The following TNIK variants were observed in gnomAD, a reference collection of about 807,000 sequenced individuals.
The protein encoded by TNIK is TRAF2 and NCK interacting kinase.
In TNIK, 49 loss-of-function variants were observed where a neutral mutation model predicts 191.3. The ratio of observed to expected loss-of-function variants is 0.26; its 90% confidence interval spans 0.20 to 0.32. TNIK has a LOEUF of 0.32. Ranked by LOEUF, TNIK falls within the 10% of genes least tolerant of loss-of-function variation. The probability of loss-of-function intolerance (pLI) is 1.00; values close to 1 mark genes in which losing one functional copy is unlikely to be tolerated. For synonymous variants in TNIK, 594 were observed against 600.9 expected, an observed-to-expected ratio of 0.99 and a Z score of 0.17; for missense variants, 1,155 against 1,702.3, an observed-to-expected ratio of 0.68 and a Z score of 5.66.
intron 21 of TNIK, among the ~76,000 whole-genome samples, chr3:171,103,101 C>A (rs1241481672): frequency 2.6e-5 from 4 of 152,092 alleles, no homozygotes; most frequent in Non-Finnish European, 5.9e-5. Context: ...CTTGATGACA[C>A]CTGATTTGAA....
chr3:171,198,012 CAAA>C (rs1738915965), intron 4 of TNIK, among the ~76,000 whole-genome samples: 1 of 151,970 alleles, frequency 6.6e-6, no homozygotes, highest in African/African-American at 2.4e-5. Flanking sequence ...CAGAAAAAAA[CAAA>C]ATGTCTATCA....
intron 2 of TNIK, among the ~76,000 whole-genome samples, chr3:171,326,835 C>A (rs1448719277): frequency 1.3e-5 from 2 of 152,148 alleles, no homozygotes; most frequent in Admixed American, 6.5e-5. Flanking sequence ...TAGGAGCAAA[C>A]TACCTCTGCC....
intron 2 of TNIK, among the ~76,000 whole-genome samples, chr3:171,294,516 T>A (rs1030026452): frequency 7.3e-5 from 11 of 151,596 alleles, no homozygotes; most frequent in African/African-American, 2.7e-4. Context: ...AGGCCAGGAG[T>A]TTGAGACAAG....
At chr3:171,302,280 T>A (rs192849070) in intron 2 of TNIK, among the ~76,000 whole-genome samples, 1 of 152,180 alleles carries the variant, frequency 6.6e-6, no homozygotes, top group Non-Finnish European at 1.5e-5. Flanking sequence ...GTCCAGGAGG[T>A]GCATTCCTAG....
At chr3:171,118,733 C>T (rs1264740529) in intron 18 of TNIK, among the ~76,000 whole-genome samples, 2 of 152,100 alleles carry the variant, frequency 1.3e-5, no homozygotes, top group African/African-American at 4.8e-5. Context: ...ACTGGCTAGC[C>T]ATATGTAGAA....
intron 7 of TNIK, among the ~76,000 whole-genome samples, chr3:171,184,661 C>T (rs909653660): frequency 4.6e-5 from 7 of 152,206 alleles, no homozygotes; most frequent in African/African-American, 1.7e-4. Flanking sequence ...CATCATTCTG[C>T]AATCTGAATA....
chr3:171,117,142 C>G (rs1726850780), intron 18 of TNIK, among the ~76,000 whole-genome samples: 1 of 152,106 alleles, frequency 6.6e-6, no homozygotes, highest in African/African-American at 2.4e-5. Flanking sequence ...GTAAATATCG[C>G]AACATAAGGG....
At chr3:171,121,211 C>T (rs976580314) in intron 18 of TNIK, among the ~76,000 whole-genome samples, 3 of 152,144 alleles carry the variant, frequency 2.0e-5, no homozygotes, top group African/African-American at 4.8e-5. Flanking sequence ...AAAAGCAACA[C>T]CTTTTAAAGT....
At chr3:171,064,162 T>C (rs1718131484) in intron 32 of TNIK, 198 bp from the exon 33 acceptor site, 11 of 544,938 alleles carry the variant, frequency 2.0e-5, no homozygotes, top group Non-Finnish European at 6.5e-6. Flanking sequence ...TAGGTTGTTA[T>C]TATTCCTTAT....
Position 171,126,030 on chromosome 3 carries a change from C to T in TNIK, c.1895G>A (p.Arg632His), listed in dbSNP as rs769775980. Reference protein sequence around the residue: ...FQEALNVTSHRVEMPRQNSDP... With the variant: ...FQEALNVTSHHVEMPRQNSDP... ...TGAGTTCTGGCGTGGCATCTCCACG[C>T]GGTGGGAGGTCACGTTCAGAGCCTC... The change falls in exon 17 of 33, where the codon CGC becomes CAC. Residue 632 changes from arginine (R) to histidine (H), a missense_variant. Physicochemically the swap from Arg to His is conservative, Grantham distance 29. Transcript: ENST00000436636. 1.2e-5 allele frequency: 20 copies of T among 1,613,892 alleles called. No individual in the cohort carries two copies. Among genetic ancestry groups the T allele is most frequent in the Admixed American group, 3.3e-5 (2 of 60,014 alleles).
intron 13 of TNIK, 40 bp from the exon 14 acceptor site, chr3:171,139,596 GAA>G (rs1275351758): frequency 6.3e-7 from 1 of 1,599,314 alleles, no homozygotes; most frequent in African/African-American, 1.3e-5. Flanking sequence ...GGAACAGAAA[GAA>G]AGAGAGAAAT....
At chr3:171,090,423 CTTTCTT>C (rs1036272992) in intron 23 of TNIK, among the ~76,000 whole-genome samples, 2 of 145,550 alleles carry the variant, frequency 1.4e-5, no homozygotes, top group African/African-American at 5.2e-5. Flanking sequence ...TCTTTTCTTT[CTTTCTT>C]TTTTTTTTTT....
rs114549746 is a variant in TNIK at position 171,442,584 on chromosome 3, T to C, written c.57+17423A>G. Among the ~76,000 whole-genome samples, 1,390 of 152,314 alleles carry C rather than the reference T, an allele frequency of 9.1e-3. 6 individuals carry two copies. The highest frequency in any genetic ancestry group is 0.015 in the Non-Finnish European group (1,023 of 68,022). On this transcript the variant is annotated intron_variant, in intron 1 of 32. Transcript: ENST00000436636. ...TAAGTATCATACATATTTCACTGAA[T>C]GTCTACGATTTCCTCTCTTCATAGA... is the stretch of plus-strand genomic sequence containing the variant.
At chr3:171,348,419 G>A (rs1054380195) in intron 2 of TNIK, among the ~76,000 whole-genome samples, 6 of 152,000 alleles carry the variant, frequency 3.9e-5, no homozygotes, top group South Asian at 4.2e-4. Context: ...CACCACCACC[G>A]AGTGAAGCCT....
At chr3:171,137,968 CA>C (rs58897378) in intron 15 of TNIK, among the ~76,000 whole-genome samples, 77,649 of 119,372 alleles carry the variant, frequency 0.65, 22,252 homozygotes, top group South Asian at 0.69. Context: ...CAAAGATATA[CA>C]AAAAAAAAAA....
chr3:171,448,215 C>A (rs1316478904), intron 1 of TNIK, among the ~76,000 whole-genome samples: 2 of 152,044 alleles, frequency 1.3e-5, no homozygotes, highest in Non-Finnish European at 2.9e-5. Context: ...TTGAAGTGTA[C>A]AAGTGACTTT....
chr3:171,226,415 T>C (rs1742973974), intron 3 of TNIK, among the ~76,000 whole-genome samples: 2 of 152,148 alleles, frequency 1.3e-5, no homozygotes. Context: ...TGCATTAGAA[T>C]GATGGAGCAG....
chr3:171,415,355 G>A lies in TNIK; in HGVS notation c.57+44652C>T, dbSNP rs145367843. Reference sequence around the variant, plus strand: ...TTCAGCACTGGAATGTAAGATCTAGGAGGGCAGGGCTTTGTATTGCTCACC... The same window carrying A: ...TTCAGCACTGGAATGTAAGATCTAGAAGGGCAGGGCTTTGTATTGCTCACC... On this transcript the variant is annotated intron_variant, in intron 1 of 32. Coordinates refer to ENST00000436636, the MANE Select transcript of TNIK (RefSeq NM_015028.4). Among the ~76,000 whole-genome samples the A allele has an allele frequency of 5.2e-3, 790 of 152,210 alleles. 22 individuals carry two copies. The highest frequency in any genetic ancestry group is 0.048 in the Admixed American group (730 of 15,282).
At chr3:171,310,817 A>AAAAC (rs376252954) in intron 2 of TNIK, among the ~76,000 whole-genome samples, 20 of 152,254 alleles carry the variant, frequency 1.3e-4, no homozygotes, top group African/African-American at 4.1e-4. Context: ...GCAGAGTTAA[A>AAAAC]AAACAAACAA....
Sources: gnomAD v4.1 joint callset for allele counts (sites outside exome capture counted in the v4.1 genomes callset) on GRCh38, gnomAD v4.1.1 for gene constraint, MANE v1.5 for transcripts, NCBI Gene and HGNC (gene_info 2026-07-23, HGNC 2026-07-21) for gene names.